PRKN: variants seen among roughly 807,000 people sequenced by gnomAD.
The protein encoded by PRKN is E3 ubiquitin-protein ligase parkin.
In PRKN, 56 loss-of-function variants were observed where a neutral mutation model predicts 59.5. That is an observed-to-expected ratio of 0.94 (90% CI 0.76 to 1.18). The LOEUF (loss-of-function observed/expected upper bound fraction) is 1.18, where lower values mean the gene tolerates loss of function less well. Ranked by LOEUF, PRKN falls within the 50% of genes most tolerant of loss-of-function variation. PRKN has a pLI of 0.00. For synonymous variants in PRKN, 250 were observed against 222.1 expected, an observed-to-expected ratio of 1.13 and a Z score of -1.12; for missense variants, 657 against 596.4, an observed-to-expected ratio of 1.10 and a Z score of -1.06.
rs869285771 is a variant in PRKN at position 161,570,146 on chromosome 6, A to AAATAT, written c.872-731_872-730insATATT. ...AGGTAAAAAAAAAAAAAAAAAAAAA[A>AAATAT]ATATATATATATATATATATATGCA... is the stretch of plus-strand genomic sequence containing the variant. On this transcript the variant is annotated intron_variant, in intron 7 of 11. Transcript: ENST00000366898. Among the ~76,000 whole-genome samples the AAATAT allele has an allele frequency of 6.4e-4, 49 of 76,594 alleles. 1 individual carries two copies. The highest frequency in any genetic ancestry group is 3.3e-3 in the African/African-American group (49 of 14,634). 50.2% of individuals were successfully genotyped at this position (76,594 alleles called of 152,430 possible). A position where few individuals can be genotyped will look rare whatever the true frequency, so the allele number is the denominator to read the frequency against.
At chr6:162,650,767 T>C (rs1219327538) in intron 1 of PRKN, among the ~76,000 whole-genome samples, 1 of 152,114 alleles carries the variant, frequency 6.6e-6, no homozygotes, top group Non-Finnish European at 1.5e-5. Flanking sequence ...TCCAATAATC[T>C]TTGTCCATTC....
At chr6:162,132,796 G>T (rs1263841913) in intron 4 of PRKN, among the ~76,000 whole-genome samples, 1 of 152,112 alleles carries the variant, frequency 6.6e-6, no homozygotes, top group Admixed American at 6.6e-5. Context: ...ATCAAGCAGA[G>T]CGGTGGGATG....
At chr6:162,054,204 T>C (rs992213627) in intron 4 of PRKN, 30 bp from the exon 5 acceptor site, 9 of 1,294,442 alleles carry the variant, frequency 7.0e-6, no homozygotes, top group African/African-American at 1.5e-5. Context: ...TATATGCTTA[T>C]ATGAGTTATA....
intron 9 of PRKN, among the ~76,000 whole-genome samples, chr6:161,450,244 A>AG (rs936770100): frequency 5.3e-5 from 8 of 152,188 alleles, no homozygotes; most frequent in Non-Finnish European, 1.2e-4. Context: ...GCTGAGCCTT[A>AG]GGGACCATCC....
intron 9 of PRKN, among the ~76,000 whole-genome samples, chr6:161,492,055 C>T (rs1265394375): frequency 1.3e-5 from 2 of 152,160 alleles, no homozygotes; most frequent in Admixed American, 1.3e-4. Flanking sequence ...TAAGAACTGC[C>T]ATCAAGTAAA....
At chr6:162,199,431 G>T (rs1341515531) in intron 4 of PRKN, among the ~76,000 whole-genome samples, 1 of 152,148 alleles carries the variant, frequency 6.6e-6, no homozygotes, top group East Asian at 1.9e-4. Flanking sequence ...TGCCTGAAAA[G>T]AATTTAGCTT....
intron 1 of PRKN, among the ~76,000 whole-genome samples, chr6:162,511,442 C>CA (rs11378794): frequency 0.29 from 44,219 of 150,690 alleles, 7,895 homozygotes; most frequent in African/African-American, 0.5. Context: ...GTACAGAATA[C>CA]AAAAAAAAAT....
At chr6:161,770,537 A>C (rs1052038901) in intron 7 of PRKN, among the ~76,000 whole-genome samples, 1 of 152,044 alleles carries the variant, frequency 6.6e-6, no homozygotes, top group Non-Finnish European at 1.5e-5. Context: ...GTGCCGTCTC[A>C]GCTCACTGTA....
At chr6:161,875,157 A>C (rs184626891) in intron 6 of PRKN, among the ~76,000 whole-genome samples, 1,887 of 136,712 alleles carry the variant, frequency 0.014, 66 homozygotes, top group African/African-American at 0.049. Context: ...AAAATATACA[A>C]TACATATATA....
chr6:161,574,335 GGC>G (rs1781051204), intron 7 of PRKN, among the ~76,000 whole-genome samples: 1 of 152,132 alleles, frequency 6.6e-6, no homozygotes, highest in South Asian at 2.1e-4. Flanking sequence ...ACATGGGCCT[GGC>G]GAATAAAAAC....
intron 2 of PRKN, among the ~76,000 whole-genome samples, chr6:162,337,075 A>C (rs1783878542): frequency 6.6e-6 from 1 of 152,220 alleles, no homozygotes; most frequent in Non-Finnish European, 1.5e-5. Flanking sequence ...ACTCTTATGT[A>C]TCTTGTGACT....
chr6:162,441,475 G>GA (rs1487179228), intron 2 of PRKN, among the ~76,000 whole-genome samples: 2 of 152,104 alleles, frequency 1.3e-5, no homozygotes, highest in Non-Finnish European at 2.9e-5. Context: ...CTTCCAACCA[G>GA]ATGTGTTTTC....
At chr6:162,203,182 T>C (rs750353177) in intron 3 of PRKN, among the ~76,000 whole-genome samples, 3 of 152,210 alleles carry the variant, frequency 2.0e-5, no homozygotes, top group East Asian at 1.9e-4. Context: ...CAGCTAATGA[T>C]ATATCAACGC....
intron 1 of PRKN, among the ~76,000 whole-genome samples, chr6:162,717,654 T>C (rs897189739): frequency 5.3e-5 from 8 of 151,784 alleles, no homozygotes; most frequent in Admixed American, 2.6e-4. Context: ...ACTAAACTTG[T>C]GGTAATTCGT....
At chr6:162,662,142 G>A (rs1778910318) in intron 1 of PRKN, among the ~76,000 whole-genome samples, 1 of 151,838 alleles carries the variant, frequency 6.6e-6, no homozygotes. Flanking sequence ...CCAGTAATGG[G>A]ATTGCTGGAT....
chr6:161,743,213 CTTTTTTTTTTTTTT>C (rs768890758), intron 7 of PRKN, among the ~76,000 whole-genome samples: 4 of 84,552 alleles, frequency 4.7e-5, no homozygotes, highest in Non-Finnish European at 2.2e-5. Context: ...TGGTTTCTAC[CTTTTTTTTTTTTTT>C]TTTTTTTTTT....
At chr6:162,362,804 C>T (rs960610474) in intron 2 of PRKN, among the ~76,000 whole-genome samples, 5 of 152,022 alleles carry the variant, frequency 3.3e-5, no homozygotes, top group African/African-American at 1.2e-4. Context: ...AAAAAGTTAT[C>T]CTTCACAATA....
At chr6:162,042,280 G>T (rs1024607497) in intron 5 of PRKN, among the ~76,000 whole-genome samples, 1 of 151,866 alleles carries the variant, frequency 6.6e-6, no homozygotes, top group East Asian at 1.9e-4. Flanking sequence ...CACTGACTAT[G>T]GTTCATGACT....
rs140807793 is a variant in PRKN at position 162,688,517 on chromosome 6, A to C, written c.7+39145T>G. 2.4e-3 allele frequency among the ~76,000 whole-genome samples: 364 copies of C among 152,372 alleles called. 1 individual carries two copies. Among genetic ancestry groups the C allele is most frequent in the Non-Finnish European group, 4.4e-3 (299 of 68,032 alleles). ...AATTGAAAAACAGATCAATAGTACT[A>C]GATAATAAATATACAATAGTCTTTA... is the stretch of plus-strand genomic sequence containing the variant. On this transcript the variant is annotated intron_variant, in intron 1 of 11. Transcript: ENST00000366898.
Sources: allele counts gnomAD v4.1 joint callset (sites outside exome capture counted in the v4.1 genomes callset), GRCh38; gene constraint gnomAD v4.1.1; transcripts MANE v1.5; gene names NCBI Gene and HGNC (gene_info 2026-07-23, HGNC 2026-07-21).